CCDC159: variants seen among roughly 807,000 people sequenced by gnomAD.
CCDC159 encodes coiled-coil domain containing 159.
A neutral mutation model predicts 50.9 loss-of-function variants in CCDC159; 40 were observed. The ratio of observed to expected loss-of-function variants is 0.79; its 90% confidence interval spans 0.61 to 1.02. CCDC159 has a LOEUF of 1.02. Ranked by LOEUF, CCDC159 falls within the 50% of genes least tolerant of loss-of-function variation. CCDC159 has a pLI of 0.00. For synonymous variants in CCDC159, 146 were observed against 138.9 expected (o/e 1.05, Z -0.36); for missense variants, 356 against 371.5 (o/e 0.96, Z 0.34).
intron 10 of CCDC159, 31 bp from the exon 11 acceptor site, chr19:11,354,842 C>G (rs748769971): frequency 3.8e-5 from 61 of 1,612,884 alleles, no homozygotes; most frequent in Admixed American, 1.2e-4. Flanking sequence ...CTGGACCTGG[C>G]CAGGCCCTGA....
At chr19:11,351,053 C>A in intron 5 of CCDC159, 50 bp downstream of exon 5, 2 of 1,463,320 alleles carry the variant, frequency 1.4e-6, no homozygotes, top group Non-Finnish European at 1.8e-6. Flanking sequence ...GGAAGGGAGA[C>A]CCAGAACTGG....
intron 1 of CCDC159, 70 bp downstream of exon 1, chr19:11,346,697 G>T: frequency 6.8e-7 from 1 of 1,480,666 alleles, no homozygotes; most frequent in Non-Finnish European, 9.2e-7. Flanking sequence ...GAGCCAGGAT[G>T]ATGACCCCGC....
At chr19:11,353,689 C>G (rs34595793) in intron 8 of CCDC159, 103 bp from the exon 9 acceptor site, 113 of 1,553,488 alleles carry the variant, frequency 7.3e-5, no homozygotes, top group African/African-American at 9.6e-5. Flanking sequence ...CCCTCACCCC[C>G]TAGGACTCAC....
At chr19:11,347,373 C>T (rs577800883) in intron 1 of CCDC159, among the ~76,000 whole-genome samples, 1 of 152,224 alleles carries the variant, frequency 6.6e-6, no homozygotes, top group East Asian at 1.9e-4. Flanking sequence ...TCTCGTTGCC[C>T]GGGCTGGAGC....
At chr19:11,353,600 T>C in intron 8 of CCDC159, 28 bp downstream of exon 8, 1 of 1,608,092 alleles carries the variant, frequency 6.2e-7, no homozygotes, top group Non-Finnish European at 8.5e-7. Flanking sequence ...GTCTGACCCC[T>C]GACCCTCCTC....
intron 10 of CCDC159, 29 bp downstream of exon 10, chr19:11,354,725 AC>A (rs757235288): frequency 6.5e-7 from 1 of 1,543,626 alleles, no homozygotes; most frequent in Non-Finnish European, 8.8e-7. Flanking sequence ...CCCCCCCTCC[AC>A]CCATTTCCCT....
chr19:11,349,214 A>G lies in CCDC159; in HGVS notation c.22-440A>G, dbSNP rs775911115. On this transcript the variant is annotated intron_variant, in intron 1 of 10. Coordinates refer to ENST00000458408, the MANE Select transcript of CCDC159 (RefSeq NM_001080503.3). ...AGCTAAGGTCACCCCCACCCGGGAAACCCCTTCAATGCAGAAAACCACTGC... is the reference window on the plus strand; with the variant it reads ...AGCTAAGGTCACCCCCACCCGGGAAGCCCCTTCAATGCAGAAAACCACTGC... 3 of 1,302,406 alleles carry G rather than the reference A, an allele frequency of 2.3e-6. No individual in the cohort carries two copies. In the East Asian group the frequency reaches 1.4e-4, roughly 62 times the overall value. 80.7% of individuals were successfully genotyped at this position (1,302,406 alleles called of 1,614,324 possible).
Position 11,351,932 on chromosome 19 carries a change from A to C in CCDC159, c.449A>C (p.Glu150Ala). The change falls in exon 6 of 11, where the codon GAA becomes GCA. Residue 150 changes from glutamate to alanine, a missense_variant. Physicochemically the swap from Glu to Ala is moderately radical, Grantham distance 107. Transcript: ENST00000458408. ...AAGAAGTTCCTGTGGGAGGAGCTGG[A>C]ACTGGTGCGGGAGGAGGTGACCTTC... ...DSKKFLWEEL[E>A]LVREEVTFIY... 1 of 1,603,290 alleles carries C rather than the reference A, an allele frequency of 6.2e-7. No homozygotes were observed. Among genetic ancestry groups the C allele is most frequent in the Non-Finnish European group, 8.5e-7 (1 of 1,175,460 alleles).
chr19:11,346,740 C>G, intron 1 of CCDC159, 113 bp downstream of exon 1: 1 of 1,250,506 alleles, frequency 8.0e-7, no homozygotes, highest in Non-Finnish European at 1.1e-6. Context: ...GGGAGGGACA[C>G]GGAAGCAGCA....
chr19:11,349,249 C>A, intron 1 of CCDC159: 1 of 1,122,732 alleles, frequency 8.9e-7, no homozygotes, highest in Non-Finnish European at 1.2e-6. Context: ...CAATCTACTG[C>A]TGTGGGGCTT....
chr19:11,352,764 C>T (rs1354000128), intron 7 of CCDC159, among the ~76,000 whole-genome samples: 2 of 151,716 alleles, frequency 1.3e-5, no homozygotes, highest in Admixed American at 1.3e-4. Context: ...AACCCTGTCT[C>T]TACAAAAAAC....
At chr19:11,353,428 T>A in intron 7 of CCDC159, 23 bp from the exon 8 acceptor site, 1 of 1,550,520 alleles carries the variant, frequency 6.4e-7, no homozygotes, top group African/African-American at 1.4e-5. Flanking sequence ...TGACTGCTGT[T>A]CTCTCATCCC....
At position 11,350,880 on chromosome 19, in the gene CCDC159, A is replaced by G; in HGVS notation, c.299A>G (p.Glu100Gly). Reference sequence around the variant, plus strand: ...TGGGGCATGGAGCAGGGCCGGCAGGAGCTGTATGGGGCCCTGACCCAAGGC... The same window carrying G: ...TGGGGCATGGAGCAGGGCCGGCAGGGGCTGTATGGGGCCCTGACCCAAGGC... Reference protein sequence around the residue: ...HKWGMEQGRQELYGALTQGLQ... With the variant: ...HKWGMEQGRQGLYGALTQGLQ... The change falls in exon 5 of 11, where the codon GAG becomes GGG. Residue 100 changes from glutamate (E) to glycine (G), a missense_variant. Glu to Gly is a moderately conservative substitution (Grantham distance 98, BLOSUM62 -2). Transcript: ENST00000458408. 1.3e-6 allele frequency: 2 copies of G among 1,552,102 alleles called. No homozygotes were observed. The highest frequency in any genetic ancestry group is 1.7e-6 in the Non-Finnish European group (2 of 1,147,814).
intron 1 of CCDC159, chr19:11,348,927 G>A (rs916508302): frequency 3.1e-6 from 4 of 1,303,418 alleles, no homozygotes; most frequent in African/African-American, 1.5e-5. Context: ...AATGTGAGGA[G>A]TGCCCTGCAC....
At chr19:11,347,248 G>A (rs1046344413) in intron 1 of CCDC159, among the ~76,000 whole-genome samples, 1 of 152,006 alleles carries the variant, frequency 6.6e-6, no homozygotes, top group Non-Finnish European at 1.5e-5. Flanking sequence ...GGGGATGCCC[G>A]GCACTCAATT....
At chr19:11,353,354 C>T (rs775100328) in intron 7 of CCDC159, 97 bp from the exon 8 acceptor site, 90 of 1,310,260 alleles carry the variant, frequency 6.9e-5, no homozygotes, top group African/African-American at 5.5e-4. Flanking sequence ...CCCGCCTCGG[C>T]CTCCCAAAGT....
chr19:11,354,745 G>A, intron 10 of CCDC159, 49 bp downstream of exon 10: 2 of 1,607,694 alleles, frequency 1.2e-6, no homozygotes, highest in Non-Finnish European at 1.7e-6. Context: ...CTCCTGACCT[G>A]CCCTTGACTC....
intron 8 of CCDC159, 87 bp downstream of exon 8, chr19:11,353,659 G>T: frequency 6.3e-7 from 1 of 1,589,708 alleles, no homozygotes. Flanking sequence ...AGAACCTGGA[G>T]CCCACCTGAG....
At chr19:11,346,669 T>G in intron 1 of CCDC159, 42 bp downstream of exon 1, 5 of 1,544,446 alleles carry the variant, frequency 3.2e-6, no homozygotes, top group East Asian at 2.5e-5. Context: ...GGGTGTAGAT[T>G]TCACAACCCA....
Sources: gnomAD v4.1 joint callset for allele counts (sites outside exome capture counted in the v4.1 genomes callset) on GRCh38, gnomAD v4.1.1 for gene constraint, MANE v1.5 for transcripts, NCBI Gene and HGNC (gene_info 2026-07-23, HGNC 2026-07-21) for gene names.